Variants in SNX29 observed in about 807,000 individuals in gnomAD.
SNX29 encodes sorting nexin-29.
In SNX29, 78 loss-of-function variants were observed where a neutral mutation model predicts 102.1. That is an observed-to-expected ratio of 0.76 (90% CI 0.64 to 0.92). The LOEUF is 0.92. Ranked by LOEUF, SNX29 falls within the 40% of genes least tolerant of loss-of-function variation. The probability of loss-of-function intolerance (pLI) is 0.00; values close to 1 mark genes in which losing one functional copy is unlikely to be tolerated. For synonymous variants in SNX29, 580 were observed against 414.5 expected, an observed-to-expected ratio of 1.40 and a Z score of -4.85; for missense variants, 1,280 against 1,061.7, an observed-to-expected ratio of 1.21 and a Z score of -2.86.
chr16:12,499,589 G>C (rs926691730), intron 19 of SNX29, among the ~76,000 whole-genome samples: 2 of 152,216 alleles, frequency 1.3e-5, no homozygotes, highest in African/African-American at 4.8e-5. Context: ...ATCACTGGGG[G>C]TTAAGCATAT....
chr16:12,321,774 C>T (rs767930978), intron 15 of SNX29, among the ~76,000 whole-genome samples: 5 of 152,116 alleles, frequency 3.3e-5, no homozygotes, highest in African/African-American at 7.2e-5. Flanking sequence ...AGTCATAGAT[C>T]TAGTTCTCAG....
At chr16:12,537,027 G>GC (rs1468639222) in intron 20 of SNX29, among the ~76,000 whole-genome samples, 1 of 152,152 alleles carries the variant, frequency 6.6e-6, no homozygotes, top group Non-Finnish European at 1.5e-5. Flanking sequence ...GGCCGGGGGA[G>GC]CACACAGCAA....
At chr16:12,323,046 ATGCGGTC>A (rs2080997312) in intron 15 of SNX29, among the ~76,000 whole-genome samples, 1 of 49,278 alleles carries the variant, frequency 2.0e-5, no homozygotes, top group Non-Finnish European at 4.3e-5. Context: ...CACTGTCAGG[ATGCGGTC>A]ACTGGAGTCA....
At chr16:12,564,121 G>T (rs759999566) in intron 20 of SNX29, among the ~76,000 whole-genome samples, 5 of 152,162 alleles carry the variant, frequency 3.3e-5, no homozygotes, top group Admixed American at 1.3e-4. Context: ...GGGTGTGGTG[G>T]ATCGTGCCTA....
At chr16:12,404,187 A>G (rs1157006376) in intron 18 of SNX29, among the ~76,000 whole-genome samples, 1 of 152,204 alleles carries the variant, frequency 6.6e-6, no homozygotes, top group East Asian at 1.9e-4. Flanking sequence ...AAGAAGGGGC[A>G]ATGGATACTG....
At chr16:12,540,871 T>C (rs2077303178) in intron 20 of SNX29, among the ~76,000 whole-genome samples, 1 of 152,204 alleles carries the variant, frequency 6.6e-6, no homozygotes, top group African/African-American at 2.4e-5. Flanking sequence ...AGTGCCCTTT[T>C]CCACTTCTGG....
chr16:12,550,089 C>A (rs187107048), intron 20 of SNX29, among the ~76,000 whole-genome samples: 24 of 152,294 alleles, frequency 1.6e-4, no homozygotes, highest in Admixed American at 1.6e-3. Context: ...AGTTTGCCAA[C>A]CTATGGGCTA....
In SNX29 at chr16:12,468,942, G is replaced by T. The variant is rs547971012; in HGVS notation, c.2038-8777G>T. The stretch of plus-strand genomic sequence containing the variant: ...GCCATGCCAGTTTCAGAAGCATTGA[G>T]TCAAATGTCCAGAGACAGTAGAGCA... On this transcript the variant is annotated intron_variant, in intron 18 of 20. Coordinates refer to ENST00000566228, the MANE Select transcript of SNX29 (RefSeq NM_032167.5). 2.6e-5 allele frequency among the ~76,000 whole-genome samples: 4 copies of T among 152,362 alleles called. No homozygotes were observed. The East Asian group carries it at 5.8e-4, about 22-fold the overall frequency.
chr16:12,125,603 CTCTTTTTTT>C lies in SNX29; in HGVS notation c.1403-1028_1403-1020del, dbSNP rs1328424576. Among the ~76,000 whole-genome samples, 302 of 71,472 alleles carry C rather than the reference CTCTTTTTTT, an allele frequency of 4.2e-3. 82 individuals carry two copies. Among genetic ancestry groups the C allele is most frequent in the African/African-American group, 0.015 (288 of 18,868 alleles). 46.9% of individuals were successfully genotyped at this position (71,472 alleles called of 152,430 possible). A position where few individuals can be genotyped will look rare whatever the true frequency, so the allele number is the denominator to read the frequency against. ...CAAGGGGGGCTTGTGGCTGAGATCT[CTCTTTTTTT>C]TTTTTTTTTTTTTTTTTTTTTTTTT... On this transcript the variant is annotated intron_variant, in intron 11 of 20. Transcript: ENST00000566228.
At chr16:12,207,336 T>C (rs1352832703) in intron 14 of SNX29, among the ~76,000 whole-genome samples, 1 of 152,068 alleles carries the variant, frequency 6.6e-6, no homozygotes, top group Non-Finnish European at 1.5e-5. Flanking sequence ...ACCACTTCAC[T>C]CCGGCCTAGG....
chr16:12,048,544 C>T lies in SNX29; in HGVS notation c.672C>T (p.Ser224=), dbSNP rs751259399. 1 of 1,613,974 alleles carries T rather than the reference C, an allele frequency of 6.2e-7. No homozygotes were observed. Among genetic ancestry groups the T allele is most frequent in the East Asian group, 2.2e-5 (1 of 44,878 alleles). The change falls in exon 7 of 21, where the codon TCC becomes TCT. Residue 224 remains serine, a synonymous_variant. Transcript: ENST00000566228. ...GCCTGTTCAGGGAGATCACAGCCTC[C>T]TCTGCCGTCTCCATCCTCATCAAAC... is the stretch of plus-strand genomic sequence containing the variant. ...VSSLFREITA[S]SAVSILIKPE...
intron 15 of SNX29, among the ~76,000 whole-genome samples, chr16:12,300,680 T>C (rs1364613129): frequency 6.6e-6 from 1 of 152,114 alleles, no homozygotes; most frequent in African/African-American, 2.4e-5. Context: ...TCTCTTTGAG[T>C]TCCAGGCACA....
At chr16:11,987,825 C>G (rs1297093806) in intron 1 of SNX29, among the ~76,000 whole-genome samples, 1 of 152,132 alleles carries the variant, frequency 6.6e-6, no homozygotes, top group Non-Finnish European at 1.5e-5. Flanking sequence ...TCTCATTTCC[C>G]CTGTTCCTTT....
Position 12,027,307 on chromosome 16 carries a change from G to T in SNX29, c.123-13G>T. 2 of 1,613,310 alleles carry T rather than the reference G, an allele frequency of 1.2e-6. No individual in the cohort carries two copies. Among genetic ancestry groups the T allele is most frequent in the South Asian group, 2.2e-5 (2 of 91,012 alleles). ...TTTCTGGGGGGACTGATGAGTCATT[G>T]GTTTTCTCACAGGGTCACCTGTCTG... On this transcript the variant is annotated splice_polypyrimidine_tract_variant and intron_variant, in intron 3 of 20. Transcript: ENST00000566228.
chr16:12,125,976 CTG>C, intron 11 of SNX29, among the ~76,000 whole-genome samples: 1 of 152,164 alleles, frequency 6.6e-6, no homozygotes, highest in Non-Finnish European at 1.5e-5. Flanking sequence ...CTGTCTGGGG[CTG>C]ATTTCCCATA....
chr16:12,322,207 A>G (rs1035543521), intron 15 of SNX29, among the ~76,000 whole-genome samples: 2 of 152,160 alleles, frequency 1.3e-5, no homozygotes, highest in African/African-American at 4.8e-5. Context: ...CAGTCACGCT[A>G]GTGATGGGAG....
intron 15 of SNX29, among the ~76,000 whole-genome samples, chr16:12,306,824 G>T (rs1596840029): frequency 6.6e-6 from 1 of 152,222 alleles, no homozygotes; most frequent in Non-Finnish European, 1.5e-5. Flanking sequence ...ACTCCCTGGT[G>T]GCCAGCCCCT....
intron 1 of SNX29, among the ~76,000 whole-genome samples, chr16:11,984,592 A>G (rs188410727): frequency 5.9e-5 from 9 of 152,058 alleles, no homozygotes; most frequent in Admixed American, 2.6e-4. Flanking sequence ...AGTTGTAGAA[A>G]CTTAGCCTAT....
At chr16:12,044,803 G>T (rs1286098348) in intron 5 of SNX29, among the ~76,000 whole-genome samples, 1 of 152,102 alleles carries the variant, frequency 6.6e-6, no homozygotes, top group African/African-American at 2.4e-5. Flanking sequence ...TGGTCTTCTT[G>T]ATCTCCTGAC....
Sources: allele counts gnomAD v4.1 joint callset (sites outside exome capture counted in the v4.1 genomes callset), GRCh38; gene constraint gnomAD v4.1.1; transcripts MANE v1.5; gene names NCBI Gene and HGNC (gene_info 2026-07-23, HGNC 2026-07-21).